The following CEP135 variants were observed in gnomAD, a reference collection of about 807,000 sequenced individuals.
CEP135 encodes the protein centrosomal protein 135.
Under a neutral mutation model 157.3 loss-of-function variants are expected in CEP135, and 142 were observed. That is an observed-to-expected ratio of 0.90 (90% CI 0.79 to 1.04). The LOEUF (loss-of-function observed/expected upper bound fraction) is 1.04. Among genes scored for constraint, CEP135 ranks in the 50% least tolerant of loss-of-function variants. CEP135 has a pLI of 0.00. For synonymous variants in CEP135, 396 were observed against 439.8 expected (o/e 0.90, Z 1.25); for missense variants, 1,317 against 1,309.2 (o/e 1.01, Z -0.09).
intron 10 of CEP135, 23 bp from the exon 11 acceptor site, chr4:55,974,723 G>A (rs1336627050): frequency 6.5e-7 from 1 of 1,549,942 alleles, no homozygotes; most frequent in Non-Finnish European, 8.9e-7. Context: ...ATTATTTTAA[G>A]AGTTAACCAC....
chr4:56,001,049 T>G (rs978008041), intron 17 of CEP135, among the ~76,000 whole-genome samples: 1 of 152,198 alleles, frequency 6.6e-6, no homozygotes, highest in African/African-American at 2.4e-5. Context: ...ATCTGTATAT[T>G]TTCTTTTGAG....
At chr4:55,993,954 G>C (rs966589139) in intron 15 of CEP135, among the ~76,000 whole-genome samples, 2 of 152,166 alleles carry the variant, frequency 1.3e-5, no homozygotes, top group African/African-American at 4.8e-5. Context: ...ATAACCTGGG[G>C]ATATGGCATT....
At chr4:55,950,333 G>A (rs978590545) in intron 1 of CEP135, among the ~76,000 whole-genome samples, 9 of 152,308 alleles carry the variant, frequency 5.9e-5, no homozygotes, top group African/African-American at 2.2e-4. Context: ...GGGTAGCTGT[G>A]AGGATCGACT....
At chr4:55,997,199 G>T (rs751399007) in intron 15 of CEP135, among the ~76,000 whole-genome samples, 2 of 152,104 alleles carry the variant, frequency 1.3e-5, no homozygotes, top group Non-Finnish European at 2.9e-5. Context: ...CAACTGTTTC[G>T]TTGAGAGGAC....
At chr4:55,954,091 A>G in intron 3 of CEP135, 125 bp from the exon 4 acceptor site, 1 of 747,278 alleles carries the variant, frequency 1.3e-6, no homozygotes, top group South Asian at 2.2e-5. Flanking sequence ...AGTGTCAACT[A>G]AAGCATGCAT....
chr4:55,952,279 C>A, intron 2 of CEP135, 36 bp downstream of exon 2: 2 of 1,187,318 alleles, frequency 1.7e-6, no homozygotes, highest in Non-Finnish European at 2.5e-6. Flanking sequence ...CCTTTATGAT[C>A]CCTAACCACT....
chr4:55,962,621 C>T (rs1278347225), intron 6 of CEP135, among the ~76,000 whole-genome samples: 1 of 152,050 alleles, frequency 6.6e-6, no homozygotes, highest in Non-Finnish European at 1.5e-5. Context: ...AGGATACTTA[C>T]AGTCTTTGTT....
intron 17 of CEP135, among the ~76,000 whole-genome samples, chr4:56,002,193 G>A (rs1560417333): frequency 1.3e-5 from 2 of 151,966 alleles, no homozygotes; most frequent in African/African-American, 2.4e-5. Flanking sequence ...CTGCATATAA[G>A]GCTAATTTGA....
chr4:55,955,038 A>C (rs1171463559), intron 4 of CEP135, among the ~76,000 whole-genome samples: 1 of 151,626 alleles, frequency 6.6e-6, no homozygotes, highest in Non-Finnish European at 1.5e-5. Context: ...CTGAGATTGC[A>C]CCACTGCACT....
intron 11 of CEP135, among the ~76,000 whole-genome samples, chr4:55,979,733 C>T (rs1188286386): frequency 2.6e-5 from 4 of 152,170 alleles, no homozygotes; most frequent in Admixed American, 6.5e-5. Context: ...TGGCCCTACC[C>T]GGAAGTTTCT....
chr4:56,005,686 G>A (rs1247492301), intron 17 of CEP135, among the ~76,000 whole-genome samples: 1 of 152,150 alleles, frequency 6.6e-6, no homozygotes, highest in Non-Finnish European at 1.5e-5. Context: ...AATTTTACCA[G>A]TGGGTTTTAT....
chr4:55,968,759 G>C (rs547597658), intron 8 of CEP135, among the ~76,000 whole-genome samples: 1 of 152,232 alleles, frequency 6.6e-6, no homozygotes, highest in African/African-American at 2.4e-5. Context: ...AAATAGGATA[G>C]GAAAATCAGG....
chr4:56,005,143 C>T (rs1730311571), intron 17 of CEP135, among the ~76,000 whole-genome samples: 2 of 152,048 alleles, frequency 1.3e-5, no homozygotes, highest in Admixed American at 1.3e-4. Context: ...AGGTTACACA[C>T]ACACAATAAA....
chr4:55,979,555 A>G (rs1729330352), intron 11 of CEP135, among the ~76,000 whole-genome samples: 1 of 152,220 alleles, frequency 6.6e-6, no homozygotes, highest in Non-Finnish European at 1.5e-5. Context: ...AGATTCAATC[A>G]TAGAAAACAC....
rs375457643 is a variant in CEP135 at position 55,999,629 on chromosome 4, A to G, written c.2264A>G (p.Glu755Gly). 8 of 1,591,830 alleles carry G rather than the reference A, an allele frequency of 5.0e-6. No homozygotes were observed. Among genetic ancestry groups the G allele is most frequent in the Non-Finnish European group, 6.0e-6 (7 of 1,175,070 alleles). Residue 755 changes from glutamate to glycine, a missense_variant, in exon 17 of 26, where the codon GAA (glutamate) becomes GGA (glycine). Transcript: ENST00000257287. ...EKTEKIANLQ[E>G]NLANKEKAVA... ...ACAGAAAAGATTGCAAATTTGCAAG[A>G]AAACCTAGCTAATAAAGTATGTGAT...
Position 56,032,849 on chromosome 4 carries a change from T to C in CEP135, c.*1501T>C, listed in dbSNP as rs1393997163. ...CCTCTTGTGGTTTAATAAAGTGAAG[T>C]GTGTGTGTGTGTGTGTGTGTGTATA... On this transcript the variant is annotated 3_prime_UTR_variant, in exon 26 of 26. Transcript: ENST00000257287. The C allele has an allele frequency of 1.4e-5, 2 of 147,546 alleles. No individual in the cohort carries two copies. The highest frequency in any genetic ancestry group is 3.0e-5 in the Non-Finnish European group (2 of 65,944). The allele number at this position is 147,546 out of a possible 1,614,324, so 9.1% of individuals were successfully genotyped here. A position where few individuals can be genotyped will look rare whatever the true frequency, so the allele number is the denominator to read the frequency against.
chr4:55,997,898 T>C (rs1393338985), intron 15 of CEP135, among the ~76,000 whole-genome samples: 1 of 152,226 alleles, frequency 6.6e-6, no homozygotes. Flanking sequence ...CACATAATTT[T>C]AGGAAGTAAG....
rs763081049 is a variant in CEP135 at position 55,974,783 on chromosome 4, A to G, written c.1287A>G (p.Leu429=). The change falls in exon 11 of 26, where the codon CTA becomes CTG. Residue 429 remains leucine (L), a synonymous_variant. Transcript: ENST00000257287. ...CTCTGGAGGTTGAGAGGATGAGACT[A>G]GAACATGGAATAAAACGTCGAGACA... ...QLTLEVERMR[L]EHGIKRRDRS... 2.5e-6 allele frequency: 4 copies of G among 1,613,866 alleles called. No individual in the cohort carries two copies. Among genetic ancestry groups the G allele is most frequent in the Non-Finnish European group, 3.4e-6 (4 of 1,179,842 alleles).
intron 21 of CEP135, among the ~76,000 whole-genome samples, chr4:56,016,683 T>G (rs900207408): frequency 2.6e-5 from 4 of 151,320 alleles, no homozygotes; most frequent in African/African-American, 4.9e-5. Flanking sequence ...TTTGTGGAGT[T>G]TTTTTTTTAA....
Sources: gnomAD v4.1 joint callset for allele counts (sites outside exome capture counted in the v4.1 genomes callset) on GRCh38, gnomAD v4.1.1 for gene constraint, MANE v1.5 for transcripts, NCBI Gene and HGNC (gene_info 2026-07-23, HGNC 2026-07-21) for gene names.